Variants in CYSRT1 observed in about 807,000 individuals in gnomAD.
The protein encoded by CYSRT1 is cysteine rich tail 1, also known as cysteine-rich tail protein 1.
In CYSRT1, 7 loss-of-function variants were observed where a neutral mutation model predicts 6.2. The ratio of observed to expected loss-of-function variants is 1.13; its 90% CI spans 0.64 to 2.13. CYSRT1 has a LOEUF of 2.13. CYSRT1 is among the 30% of genes most tolerant of loss of function. The pLI, the probability that CYSRT1 is intolerant of heterozygous loss-of-function variation, is 0.00. For synonymous variants in CYSRT1, 75 were observed against 83.1 expected (o/e 0.90, Z 0.53); for missense variants, 188 against 196.4 (o/e 0.96, Z 0.26).
chr9:137,225,517 A>C, intron 1 of CYSRT1, 97 bp from the exon 2 acceptor site: 1 of 1,457,150 alleles, frequency 6.9e-7, no homozygotes, highest in African/African-American at 1.4e-5. Context: ...TGGACGAGGC[A>C]CGCTGCTCCT....
chr9:137,225,921 G>C lies in CYSRT1; in HGVS notation c.300G>C (p.Leu100=), dbSNP rs1835963051. 1 of 1,546,472 alleles carries C rather than the reference G, an allele frequency of 6.5e-7. No homozygotes were observed. Among genetic ancestry groups the C allele is most frequent in the African/African-American group, 1.4e-5 (1 of 73,044 alleles). The change falls in exon 2 of 2, where the codon CTG becomes CTC. Residue 100 remains leucine (L), a synonymous_variant. Transcript: ENST00000650725. The part of the protein sequence containing the change: ...PYSSSQRQAG[L]TYAGPPPAGR... ...GCAGCAGTCAGCGCCAGGCCGGACTGACCTACGCTGGCCCTCCGCCCGCGG... is the reference window on the plus strand; with the variant it reads ...GCAGCAGTCAGCGCCAGGCCGGACTCACCTACGCTGGCCCTCCGCCCGCGG...
At position 137,225,652 on chromosome 9, in the gene CYSRT1, C is replaced by T; in HGVS notation, c.31C>T (p.Pro11Ser). The T allele has an allele frequency of 3.2e-6, 5 of 1,550,462 alleles. No homozygotes were observed. Among genetic ancestry groups the T allele is most frequent in the African/African-American group, 2.7e-5 (2 of 73,170 alleles). ...CCCCCAAGAGATGGTCGTCAAGAAC[C>T]CATATGCCCACATCAGCATCCCCCG... is the stretch of plus-strand genomic sequence containing the variant. MDPQEMVVKN[P>S]YAHISIPRAH... Residue 11 changes from proline (P) to serine (S), a missense_variant, in exon 2 of 2, where the codon CCA becomes TCA. By Grantham distance (74) the Pro-to-Ser change is moderately conservative. Coordinates refer to ENST00000650725, the MANE Select transcript of CYSRT1 (RefSeq NM_199001.5).
Position 137,225,793 on chromosome 9 carries a change from T to A in CYSRT1, c.172T>A (p.Leu58Met). ...GPCAPEPTHLLQPTEVPGPKG... is the reference protein window; with the variant it reads ...GPCAPEPTHLMQPTEVPGPKG... ...CTGTGCCCCAGAGCCAACCCACCTCTTGCAGCCGACCGAGGTCCCAGGGCC... is the reference window on the plus strand; with the variant it reads ...CTGTGCCCCAGAGCCAACCCACCTCATGCAGCCGACCGAGGTCCCAGGGCC... The change falls in exon 2 of 2, where the codon TTG (leucine) becomes ATG (methionine). Residue 58 changes from leucine to methionine, a missense_variant. Coordinates refer to ENST00000650725, the MANE Select transcript of CYSRT1 (RefSeq NM_199001.5). The A allele has an allele frequency of 6.5e-7, 1 of 1,549,718 alleles. No individual in the cohort carries two copies. Among genetic ancestry groups the A allele is most frequent in the Non-Finnish European group, 8.7e-7 (1 of 1,146,826 alleles).
At position 137,225,936 on chromosome 9, in the gene CYSRT1, T is replaced by C. The variant is rs2131391755; in HGVS notation, c.315T>C (p.Pro105=). 6.5e-7 allele frequency: 1 copy of C among 1,547,342 alleles called. No individual in the cohort carries two copies. Among genetic ancestry groups the C allele is most frequent in the Middle Eastern group, 1.7e-4 (1 of 5,944 alleles). The change falls in exon 2 of 2, where the codon CCT becomes CCC. Residue 105 remains proline (P), a synonymous_variant. Transcript: ENST00000650725. ...QRQAGLTYAG[P]PPAGRGDDIA... is the part of the protein sequence containing the mutation. Reference sequence around the variant, plus strand: ...AGGCCGGACTGACCTACGCTGGCCCTCCGCCCGCGGGGCGCGGGGATGACA... The same window carrying C: ...AGGCCGGACTGACCTACGCTGGCCCCCCGCCCGCGGGGCGCGGGGATGACA...
In CYSRT1 at chr9:137,225,958, G is replaced by A. The variant is rs773062469; in HGVS notation, c.337G>A (p.Asp113Asn). The A allele has an allele frequency of 2.7e-5, 42 of 1,548,666 alleles. No homozygotes were observed. The Middle Eastern group carries it at 6.9e-4, about 25-fold the overall frequency. The change falls in exon 2 of 2, where the codon GAC (aspartate) becomes AAC (asparagine). Residue 113 changes from aspartate to asparagine, a missense_variant. Physicochemically the swap from Asp to Asn is conservative, Grantham distance 23. Coordinates refer to ENST00000650725, the MANE Select transcript of CYSRT1 (RefSeq NM_199001.5). ...CCCTCCGCCCGCGGGGCGCGGGGAT[G>A]ACATCGCCCACCACTGCTGCTGCTG... is the stretch of plus-strand genomic sequence containing the variant. ...AGPPPAGRGD[D>N]IAHHCCCCPC...
At position 137,225,780 on chromosome 9, in the gene CYSRT1, G is replaced by A; in HGVS notation, c.159G>A (p.Glu53=). Reference sequence around the variant, plus strand: ...TGCCAGTGGGGCCCTGTGCCCCAGAGCCAACCCACCTCTTGCAGCCGACCG... The same window carrying A: ...TGCCAGTGGGGCCCTGTGCCCCAGAACCAACCCACCTCTTGCAGCCGACCG... The part of the protein sequence containing the change: ...QPLPVGPCAP[E]PTHLLQPTEV... Residue 53 remains glutamate (E), a synonymous_variant, in exon 2 of 2, where the codon GAG becomes GAA. Transcript: ENST00000650725. The A allele has an allele frequency of 6.5e-7, 1 of 1,549,958 alleles. No individual in the cohort carries two copies. The highest frequency in any genetic ancestry group is 8.7e-7 in the Non-Finnish European group (1 of 1,146,852).
At chr9:137,225,544 G>A in intron 1 of CYSRT1, 70 bp from the exon 2 acceptor site, 1 of 1,471,102 alleles carries the variant, frequency 6.8e-7, no homozygotes, top group Admixed American at 2.4e-5. Flanking sequence ...GGCTTTCCTG[G>A]GCCGCAGGCT....
chr9:137,226,193 C>T lies in CYSRT1; in HGVS notation c.*137C>T. The T allele has an allele frequency of 7.0e-7, 1 of 1,436,160 alleles. No homozygotes were observed. The highest frequency in any genetic ancestry group is 2.7e-5 in the Admixed American group (1 of 36,694). 89.0% of individuals were successfully genotyped at this position (1,436,160 alleles called of 1,614,324 possible). ...CACACCAGGCACTGGGGCTCAGACC[C>T]ACCAGGAAGGTGGCCGTTCAGCCCG... On this transcript the variant is annotated 3_prime_UTR_variant, in exon 2 of 2. Coordinates refer to ENST00000650725, the MANE Select transcript of CYSRT1 (RefSeq NM_199001.5).
In CYSRT1 at chr9:137,225,823, G is replaced by A; in HGVS notation, c.202G>A (p.Gly68Ser). The A allele has an allele frequency of 6.5e-7, 1 of 1,548,658 alleles. No homozygotes were observed. The highest frequency in any genetic ancestry group is 8.7e-7 in the Non-Finnish European group (1 of 1,146,864). The stretch of plus-strand genomic sequence containing the variant: ...GCCGACCGAGGTCCCAGGGCCCAAG[G>A]GCGCCAAGGGTAACCAGGGGGCTGC... Reference protein sequence around the residue: ...LQPTEVPGPKGAKGNQGAAPI... With the variant: ...LQPTEVPGPKSAKGNQGAAPI... The change falls in exon 2 of 2, where the codon GGC becomes AGC. Residue 68 changes from glycine to serine, a missense_variant. Physicochemically the swap from Gly to Ser is moderately conservative, Grantham distance 56. Transcript: ENST00000650725.
rs1185922521 is a variant in CYSRT1 at position 137,225,179 on chromosome 9, C to G, written c.-63C>G. 20 of 1,550,348 alleles carry G rather than the reference C, an allele frequency of 1.3e-5. No homozygotes were observed. Among genetic ancestry groups the G allele is most frequent in the Non-Finnish European group, 1.7e-5 (19 of 1,146,966 alleles). On this transcript the variant is annotated 5_prime_UTR_variant, in exon 1 of 2. Coordinates refer to ENST00000650725, the MANE Select transcript of CYSRT1 (RefSeq NM_199001.5). ...GGCTGCCAGTCGCTCAACTCAGGCA[C>G]TGGGACCTAGAGCTCAGAAGACCGA...
rs1053017596 is a variant in CYSRT1 at position 137,226,217 on chromosome 9, C to G, written c.*161C>G. ...CCACCAGGAAGGTGGCCGTTCAGCC[C>G]GAGCTCCTGAAACGGAATCCCAGGT... On this transcript the variant is annotated 3_prime_UTR_variant, in exon 2 of 2. Transcript: ENST00000650725. 2 of 1,360,352 alleles carry G rather than the reference C, an allele frequency of 1.5e-6. No individual in the cohort carries two copies. The highest frequency in any genetic ancestry group is 2.9e-5 in the Admixed American group (1 of 34,606). 84.3% of individuals were successfully genotyped at this position (1,360,352 alleles called of 1,614,324 possible). A position where few individuals can be genotyped will look rare whatever the true frequency, so the allele number is the denominator to read the frequency against.
chr9:137,225,764 G>A lies in CYSRT1; in HGVS notation c.143G>A (p.Gly48Glu). 6.5e-7 allele frequency: 1 copy of A among 1,550,038 alleles called. No homozygotes were observed. Among genetic ancestry groups the A allele is most frequent in the Non-Finnish European group, 8.7e-7 (1 of 1,146,872 alleles). ...SSSEMQPLPV[G>E]PCAPEPTHLL... ...TCGGAGATGCAGCCCCTGCCAGTGG[G>A]GCCCTGTGCCCCAGAGCCAACCCAC... Residue 48 changes from glycine to glutamate, a missense_variant, in exon 2 of 2, where the codon GGG becomes GAG. Transcript: ENST00000650725.
At chr9:137,225,512 G>A (rs1312280130) in intron 1 of CYSRT1, 102 bp from the exon 2 acceptor site, 13 of 1,453,388 alleles carry the variant, frequency 8.9e-6, no homozygotes, top group East Asian at 5.0e-5. Context: ...GAGCTTGGAC[G>A]AGGCACGCTG....
In CYSRT1 at chr9:137,225,726, C is replaced by T; in HGVS notation, c.105C>T (p.Thr35=). Reference sequence around the variant, plus strand: ...GGCAGCAGTTAGAGGTGGCTTCCACCTGTTCCTCATCCTCGGAGATGCAGC... The same window carrying T: ...GGCAGCAGTTAGAGGTGGCTTCCACTTGTTCCTCATCCTCGGAGATGCAGC... ...DLGQQLEVAS[T]CSSSSEMQPL... is the part of the protein sequence containing the mutation. Residue 35 remains threonine (T), a synonymous_variant, in exon 2 of 2, where the codon ACC becomes ACT. Transcript: ENST00000650725. 1.3e-6 allele frequency: 2 copies of T among 1,550,366 alleles called. No homozygotes were observed. Among genetic ancestry groups the T allele is most frequent in the Non-Finnish European group, 1.7e-6 (2 of 1,146,950 alleles).
At position 137,226,013 on chromosome 9, in the gene CYSRT1, C is replaced by G. The variant is rs573031022; in HGVS notation, c.392C>G (p.Pro131Arg). Reference sequence around the variant, plus strand: ...TGCTGCCACTGCTGCCACTGCCCCCCCTTCTGCCGCTGCCACAGCTGCTGC... The same window carrying G: ...TGCTGCCACTGCTGCCACTGCCCCCGCTTCTGCCGCTGCCACAGCTGCTGC... ...CPCCHCCHCP[P>R]FCRCHSCCCC... Residue 131 changes from proline (P) to arginine (R), a missense_variant, in exon 2 of 2, where the codon CCC becomes CGC. Transcript: ENST00000650725. The G allele has an allele frequency of 6.5e-6, 10 of 1,549,018 alleles. No individual in the cohort carries two copies. Among genetic ancestry groups the G allele is most frequent in the Middle Eastern group, 2.0e-4 (1 of 5,126 alleles).
In CYSRT1 at chr9:137,225,626, A is replaced by AC. The variant is rs1430517655; in HGVS notation, c.10dup (p.Gln4ProfsTer22). ...CCCACCCCTGCAGGCTGGACCATGG[A>AC]CCCCCAAGAGATGGTCGTCAAGAAC... On this transcript the variant is annotated frameshift_variant, in exon 2 of 2. Coordinates refer to ENST00000650725, the MANE Select transcript of CYSRT1 (RefSeq NM_199001.5). LOFTEE classifies it low-confidence loss of function (END_TRUNC). 3.2e-6 allele frequency: 5 copies of AC among 1,549,820 alleles called. No homozygotes were observed. The South Asian group carries it at 5.9e-5, about 18-fold the overall frequency.
chr9:137,225,365 G>A (rs369550491), intron 1 of CYSRT1, 132 bp downstream of exon 1: 20 of 1,127,298 alleles, frequency 1.8e-5, no homozygotes, highest in Non-Finnish European at 2.4e-5. Context: ...AGGGGAGGGG[G>A]AGGATCCCTG....
rs1490944418 is a variant in CYSRT1 at position 137,225,705 on chromosome 9, G to T, written c.84G>T (p.Gln28His). The change falls in exon 2 of 2, where the codon CAG (glutamine) becomes CAT (histidine). Residue 28 changes from glutamine to histidine, a missense_variant. Gln to His is a conservative substitution (Grantham distance 24, BLOSUM62 0). Transcript: ENST00000650725. ...PRAHLRPDLG[Q>H]QLEVASTCSS... ...CTCACCTGCGGCCTGACCTGGGGCAGCAGTTAGAGGTGGCTTCCACCTGTT... is the reference window on the plus strand; with the variant it reads ...CTCACCTGCGGCCTGACCTGGGGCATCAGTTAGAGGTGGCTTCCACCTGTT... The T allele has an allele frequency of 6.4e-7, 1 of 1,550,398 alleles. No homozygotes were observed. Among genetic ancestry groups the T allele is most frequent in the South Asian group, 1.2e-5 (1 of 84,068 alleles).
In CYSRT1 at chr9:137,226,159, C is replaced by G. The variant is rs1835971594; in HGVS notation, c.*103C>G. 6.8e-7 allele frequency: 1 copy of G among 1,479,874 alleles called. No individual in the cohort carries two copies. The highest frequency in any genetic ancestry group is 2.2e-5 in the Admixed American group (1 of 46,312). 91.7% of individuals were successfully genotyped at this position (1,479,874 alleles called of 1,614,324 possible). A position where few individuals can be genotyped will look rare whatever the true frequency, so the allele number is the denominator to read the frequency against. On this transcript the variant is annotated 3_prime_UTR_variant, in exon 2 of 2. Transcript: ENST00000650725. ...GCGGGGTGGCTGTTGTCATGGGCGT[C>G]TGCCCCTTCACACCAGGCACTGGGG...
Sources: gnomAD v4.1 joint callset for allele counts on GRCh38, gnomAD v4.1.1 for gene constraint, MANE v1.5 for transcripts, NCBI Gene and HGNC (gene_info 2026-07-23, HGNC 2026-07-21) for gene names.